The following LDB2 variants were observed in gnomAD, a reference collection of about 807,000 sequenced individuals.
The protein encoded by LDB2 is LIM domain binding 2.
Under a neutral mutation model 44.3 loss-of-function variants are expected in LDB2, and 12 were observed. The observed-to-expected ratio is 0.27, with a 90% CI of 0.17 to 0.44. The LOEUF (loss-of-function observed/expected upper bound fraction) is 0.44. Ranked by LOEUF, LDB2 falls within the 20% of genes least tolerant of loss-of-function variation. LDB2 has a pLI of 1.00. For synonymous variants in LDB2, 164 were observed against 174.8 expected, an observed-to-expected ratio of 0.94 and a Z score of 0.49; for missense variants, 344 against 473.5, an observed-to-expected ratio of 0.73 and a Z score of 2.54.
chr4:16,759,450 C>A, intron 1 of LDB2, 190 bp from the exon 2 acceptor site: 2 of 557,618 alleles, frequency 3.6e-6, no homozygotes, highest in Non-Finnish European at 3.2e-6. Context: ...GAACCAAATT[C>A]CAATTCAATA....
chr4:16,790,435 T>C (rs933218201), intron 1 of LDB2, among the ~76,000 whole-genome samples: 6 of 152,168 alleles, frequency 3.9e-5, no homozygotes, highest in African/African-American at 9.7e-5. Flanking sequence ...GCACTAGATA[T>C]CAGCAATGCA....
At chr4:16,540,730 A>G (rs531405862) in intron 5 of LDB2, among the ~76,000 whole-genome samples, 1 of 152,332 alleles carries the variant, frequency 6.6e-6, no homozygotes, top group South Asian at 2.1e-4. Context: ...TTAAAAATCT[A>G]TAAAAAATGA....
intron 2 of LDB2, among the ~76,000 whole-genome samples, chr4:16,675,475 A>G (rs1746038957): frequency 6.6e-6 from 1 of 152,120 alleles, no homozygotes; most frequent in Admixed American, 6.5e-5. Flanking sequence ...TTAAAAAAAG[A>G]AAGAAAGAAA....
intron 1 of LDB2, among the ~76,000 whole-genome samples, chr4:16,762,392 T>A (rs190360852): frequency 6.6e-6 from 1 of 152,328 alleles, no homozygotes; most frequent in Admixed American, 6.5e-5. Flanking sequence ...TCTGTATTAA[T>A]TCATTCTCAC....
chr4:16,814,461 C>T (rs1780536590), intron 1 of LDB2, among the ~76,000 whole-genome samples: 1 of 152,156 alleles, frequency 6.6e-6, no homozygotes, highest in Admixed American at 6.5e-5. Context: ...ATCATTTTTG[C>T]TGCTAAATCC....
intron 1 of LDB2, among the ~76,000 whole-genome samples, chr4:16,806,669 C>CA (rs1430295534): frequency 6.6e-6 from 1 of 152,178 alleles, no homozygotes; most frequent in African/African-American, 2.4e-5. Context: ...CCCAGATCTT[C>CA]AAGGCCATGG....
intron 1 of LDB2, among the ~76,000 whole-genome samples, chr4:16,819,458 A>AG (rs1489837290): frequency 1.4e-5 from 1 of 72,520 alleles, no homozygotes; most frequent in Non-Finnish European, 2.7e-5. Context: ...TCCTGCACTC[A>AG]GGAAAAAAAA....
At chr4:16,741,560 C>T (rs1478564695) in intron 2 of LDB2, 1 of 152,208 alleles carries the variant, frequency 6.6e-6, no homozygotes, top group Admixed American at 6.5e-5. Flanking sequence ...AAACACAAGA[C>T]AGGAGTCCAG....
chr4:16,508,004 C>T (rs1720214275), intron 7 of LDB2, among the ~76,000 whole-genome samples: 1 of 152,184 alleles, frequency 6.6e-6, no homozygotes, highest in Non-Finnish European at 1.5e-5. Flanking sequence ...GGCTGATCCT[C>T]CCCCTTAGCT....
At chr4:16,603,516 G>A (rs1254045930) in intron 2 of LDB2, among the ~76,000 whole-genome samples, 4 of 152,142 alleles carry the variant, frequency 2.6e-5, no homozygotes, top group Admixed American at 2.0e-4. Context: ...ATCTGGATGA[G>A]CTACTCCATT....
At position 16,845,884 on chromosome 4, in the gene LDB2, G is replaced by A. The variant is rs1232957416; in HGVS notation, c.132+52470C>T. Among the ~76,000 whole-genome samples, 4 of 152,082 alleles carry A rather than the reference G, an allele frequency of 2.6e-5. No homozygotes were observed. The East Asian group carries it at 5.8e-4, about 22-fold the overall frequency. The stretch of plus-strand genomic sequence containing the variant: ...GCAGTTTGGGAGGCCGAGGTGGGTG[G>A]ATCACCTGAGGTCAGGAGTTCAAGA... On this transcript the variant is annotated intron_variant, in intron 1 of 7. Transcript: ENST00000304523.
intron 2 of LDB2, among the ~76,000 whole-genome samples, chr4:16,694,544 A>C (rs987135099): frequency 3.3e-5 from 5 of 152,216 alleles, no homozygotes; most frequent in African/African-American, 1.2e-4. Flanking sequence ...CTGTCTGGGG[A>C]ATGTCTACCG....
intron 2 of LDB2, among the ~76,000 whole-genome samples, chr4:16,707,958 C>T (rs2152652021): frequency 6.6e-6 from 1 of 152,306 alleles, no homozygotes; most frequent in East Asian, 1.9e-4. Context: ...ATGGGAAAGA[C>T]TTGCGTGTGT....
At chr4:16,758,235 T>G (rs960621071) in intron 2 of LDB2, among the ~76,000 whole-genome samples, 1 of 152,230 alleles carries the variant, frequency 6.6e-6, no homozygotes, top group African/African-American at 2.4e-5. Context: ...TTAGCAACAA[T>G]CAGAGCTTTC....
At chr4:16,540,957 A>G (rs1733556389) in intron 5 of LDB2, among the ~76,000 whole-genome samples, 2 of 152,230 alleles carry the variant, frequency 1.3e-5, no homozygotes, top group Non-Finnish European at 2.9e-5. Flanking sequence ...GATAAGCTAT[A>G]GAATGAAAAA....
chr4:16,579,408 A>T (rs958241608), intron 5 of LDB2, among the ~76,000 whole-genome samples: 2 of 152,232 alleles, frequency 1.3e-5, no homozygotes, highest in African/African-American at 4.8e-5. Flanking sequence ...AAAGATAATC[A>T]TTCATTAAAA....
intron 2 of LDB2, among the ~76,000 whole-genome samples, chr4:16,596,577 C>T (rs1360967937): frequency 1.3e-5 from 2 of 152,140 alleles, no homozygotes; most frequent in Admixed American, 6.5e-5. Flanking sequence ...GAAATCTTTA[C>T]AAAATAATTC....
chr4:16,734,550 TC>T (rs1434055255), intron 2 of LDB2, among the ~76,000 whole-genome samples: 1 of 151,914 alleles, frequency 6.6e-6, no homozygotes. Flanking sequence ...GCTTTCACCT[TC>T]CCCCATTTCC....
chr4:16,622,963 T>C (rs1042058436), intron 2 of LDB2, among the ~76,000 whole-genome samples: 1 of 152,200 alleles, frequency 6.6e-6, no homozygotes, highest in Non-Finnish European at 1.5e-5. Context: ...TTTTTCTATA[T>C]ATACCACTAG....
Sources: allele counts gnomAD v4.1 joint callset (sites outside exome capture counted in the v4.1 genomes callset), GRCh38; gene constraint gnomAD v4.1.1; transcripts MANE v1.5; gene names NCBI Gene and HGNC (gene_info 2026-07-23, HGNC 2026-07-21).